Variants in PIEZO2 observed in about 807,000 individuals in gnomAD.
The protein encoded by PIEZO2 is piezo-type mechanosensitive ion channel component 2.
In PIEZO2, 172 loss-of-function variants were observed where a neutral mutation model predicts 337.3. That is an observed-to-expected ratio of 0.51 (90% confidence interval 0.45 to 0.58). PIEZO2 has a LOEUF of 0.58. Among genes scored for constraint, PIEZO2 ranks in the 20% least tolerant of loss-of-function variants. The probability of loss-of-function intolerance (pLI) is 0.00; values close to 1 mark genes in which losing one functional copy is unlikely to be tolerated. For missense variants in PIEZO2, 3,028 were observed against 3,391.3 expected (o/e 0.89, Z 2.66); for synonymous variants, 1,251 against 1,228.5 (o/e 1.02, Z -0.38).
chr18:10,841,106 G>A (rs528520786), intron 7 of PIEZO2, among the ~76,000 whole-genome samples: 4 of 152,238 alleles, frequency 2.6e-5, no homozygotes, highest in Non-Finnish European at 5.9e-5. Flanking sequence ...TTCTTGTTCA[G>A]GTGAGTGACA....
At chr18:10,791,729 T>TG in intron 13 of PIEZO2, 1 of 152,842 alleles carries the variant, frequency 6.5e-6, no homozygotes. Context: ...GACTGCAATG[T>TG]TCCTTATTTT....
chr18:11,079,035 G>C (rs1463722255), intron 1 of PIEZO2, among the ~76,000 whole-genome samples: 1 of 152,156 alleles, frequency 6.6e-6, no homozygotes, highest in Non-Finnish European at 1.5e-5. Context: ...GGAAATTAGA[G>C]TAAGTATTCC....
chr18:10,839,176 G>T (rs1487217304), intron 7 of PIEZO2, among the ~76,000 whole-genome samples: 1 of 152,130 alleles, frequency 6.6e-6, no homozygotes, highest in Non-Finnish European at 1.5e-5. Context: ...AGTAAATAGT[G>T]AAACTCACAA....
At chr18:11,135,262 T>C (rs918618795) in intron 1 of PIEZO2, among the ~76,000 whole-genome samples, 1 of 152,134 alleles carries the variant, frequency 6.6e-6, no homozygotes, top group Non-Finnish European at 1.5e-5. Flanking sequence ...ATGAGTTCCT[T>C]TGACTTCAGA....
chr18:10,887,065 C>T (rs1042892633), intron 4 of PIEZO2, among the ~76,000 whole-genome samples: 4 of 91,406 alleles, frequency 4.4e-5, no homozygotes, highest in Admixed American at 1.5e-4. Context: ...AGGTGACACA[C>T]TTTTTTTTTT....
At chr18:10,922,056 G>A (rs1268325316) in intron 3 of PIEZO2, among the ~76,000 whole-genome samples, 1 of 152,140 alleles carries the variant, frequency 6.6e-6, no homozygotes, top group Non-Finnish European at 1.5e-5. Flanking sequence ...CTGTGGTCCT[G>A]TGATCTCGCC....
In PIEZO2 at chr18:11,149,437, G is replaced by C. The variant is rs996633033; in HGVS notation, c.-849C>G. ...TGGGTCTCCCACTCCCTCCTCCACCGCCTCAATTTAAAACTCAAGAGAAAA... is the reference window on the plus strand; with the variant it reads ...TGGGTCTCCCACTCCCTCCTCCACCCCCTCAATTTAAAACTCAAGAGAAAA... On this transcript the variant is annotated 5_prime_UTR_variant, in exon 1 of 56. Coordinates refer to ENST00000674853, the MANE Select transcript of PIEZO2 (RefSeq NM_001378183.1). The surrounding 1 kb of genome is among the most constrained non-coding windows in gnomAD (Gnocchi z 8.7). 3.9e-5 allele frequency among the ~76,000 whole-genome samples: 6 copies of C among 152,002 alleles called. No individual in the cohort carries two copies. The highest frequency in any genetic ancestry group is 7.4e-5 in the Non-Finnish European group (5 of 67,964).
intron 47 of PIEZO2, among the ~76,000 whole-genome samples, chr18:10,692,854 G>A (rs2034912368): frequency 6.6e-6 from 1 of 152,182 alleles, no homozygotes; most frequent in East Asian, 1.9e-4. Context: ...TAGATCTTTT[G>A]CAATTCCATA....
rs1172719270 is a variant in PIEZO2, at chr18:10,756,115, G to A, written c.3923+1854C>T. Among the ~76,000 whole-genome samples, 4 of 145,742 alleles carry A rather than the reference G, an allele frequency of 2.7e-5. No homozygotes were observed. In the South Asian group the frequency reaches 9.0e-4, roughly 33 times the overall value. ...GAAGAGGAGAGATAGGGGATGAGGA[G>A]GAAAGATGGAGGATGAGGAGGAGGG... is the stretch of plus-strand genomic sequence containing the variant. On this transcript the variant is annotated intron_variant, in intron 27 of 55. Coordinates refer to ENST00000674853, the MANE Select transcript of PIEZO2 (RefSeq NM_001378183.1).
At chr18:10,805,910 G>A (rs760214458) in intron 8 of PIEZO2, among the ~76,000 whole-genome samples, 9 of 152,192 alleles carry the variant, frequency 5.9e-5, no homozygotes, top group Non-Finnish European at 1.2e-4. Flanking sequence ...GGAGCCATGC[G>A]CCTCCTGCAG....
At chr18:10,758,484 C>T (rs886414766) in intron 26 of PIEZO2, among the ~76,000 whole-genome samples, 3 of 151,942 alleles carry the variant, frequency 2.0e-5, no homozygotes, top group African/African-American at 4.8e-5. Flanking sequence ...CTCGCTCTGT[C>T]GCCCAGGCTG....
At chr18:10,680,660 T>C (rs2034224567) in intron 51 of PIEZO2, among the ~76,000 whole-genome samples, 1 of 152,164 alleles carries the variant, frequency 6.6e-6, no homozygotes, top group Non-Finnish European at 1.5e-5. Flanking sequence ...TTTAGTGTCA[T>C]TTTTCCTTTC....
chr18:10,678,933 C>CTTTTTT (rs552952913), intron 52 of PIEZO2, among the ~76,000 whole-genome samples: 1 of 128,548 alleles, frequency 7.8e-6, no homozygotes, highest in Non-Finnish European at 1.7e-5. Flanking sequence ...GCTGCAATTT[C>CTTTTTT]TTTTTTTTTT....
rs1249070962 is a variant in PIEZO2, at chr18:10,676,756, AACCTTGAGCCCC to A, written c.8081+979_8081+990del. On this transcript the variant is annotated intron_variant, in intron 53 of 55. Transcript: ENST00000674853. The surrounding 1 kb of genome is among the most constrained non-coding windows in gnomAD (Gnocchi z 5.1). ...TGACACTAGTGGCTCCCTAAGAAGG[AACCTTGAGCCCC>A]ACCTCTTTCCACTGAGGGTGAACGA... Among the ~76,000 whole-genome samples the A allele has an allele frequency of 1.3e-5, 2 of 152,198 alleles. No homozygotes were observed. The highest frequency in any genetic ancestry group is 4.8e-5 in the African/African-American group (2 of 41,444).
At chr18:10,747,528 T>C (rs2143714892) in intron 30 of PIEZO2, among the ~76,000 whole-genome samples, 1 of 152,324 alleles carries the variant, frequency 6.6e-6, no homozygotes, top group African/African-American at 2.4e-5. Flanking sequence ...AAAATGATTA[T>C]AACAATGAAT....
At chr18:10,839,928 A>G (rs1375283083) in intron 7 of PIEZO2, among the ~76,000 whole-genome samples, 2 of 152,214 alleles carry the variant, frequency 1.3e-5, no homozygotes, top group South Asian at 2.1e-4. Context: ...AGGAAAAGAA[A>G]CAATTGGCTG....
intron 11 of PIEZO2, among the ~76,000 whole-genome samples, chr18:10,799,804 C>A (rs1192425895): frequency 2.0e-5 from 3 of 152,050 alleles, no homozygotes; most frequent in Non-Finnish European, 4.4e-5. Flanking sequence ...GAAACCCAGT[C>A]TCTACTAAAA....
intron 2 of PIEZO2, among the ~76,000 whole-genome samples, chr18:11,034,125 A>G (rs1362980002): frequency 6.6e-6 from 1 of 152,046 alleles, no homozygotes; most frequent in Non-Finnish European, 1.5e-5. Flanking sequence ...CTGTCTTTGT[A>G]CACTTCTTCA....
chr18:10,918,489 T>C (rs56111986), intron 3 of PIEZO2, among the ~76,000 whole-genome samples: 116 of 152,182 alleles, frequency 7.6e-4, no homozygotes, highest in Non-Finnish European at 1.4e-3. Context: ...AATGTCTTAA[T>C]ATTTTGTCAT....
Sources: gnomAD v4.1 joint callset for allele counts (sites outside exome capture counted in the v4.1 genomes callset) on GRCh38, gnomAD v4.1.1 for gene constraint, Gnocchi (gnomAD v3.1) non-coding constraint, MANE v1.5 for transcripts, NCBI Gene and HGNC (gene_info 2026-07-23, HGNC 2026-07-21) for gene names.